NLGN4X: variants seen among roughly 807,000 people sequenced by gnomAD.
NLGN4X encodes neuroligin-4, X-linked.
A neutral mutation model predicts 40.3 loss-of-function variants in NLGN4X; 3 were observed. The ratio of observed to expected loss-of-function variants is 0.07; its 90% CI spans 0.03 to 0.19. The LOEUF (loss-of-function observed/expected upper bound fraction) is 0.19. Among genes scored for constraint, NLGN4X ranks in the 10% least tolerant of loss-of-function variants. The pLI is 1.00. For synonymous variants in NLGN4X, 270 were observed against 306.8 expected, an observed-to-expected ratio of 0.88 and a Z score of 1.25; for missense variants, 382 against 708.3, an observed-to-expected ratio of 0.54 and a Z score of 5.23.
At chrX:6,130,841 G>A (rs2039663656) in intron 2 of NLGN4X, among the ~76,000 whole-genome samples, 1 of 111,768 alleles carries the variant, frequency 8.9e-6, no homozygotes, top group Admixed American at 9.5e-5. Context: ...GTGGTGGAAG[G>A]TTCTTTTTAT....
In NLGN4X at chrX:5,933,582, T is replaced by C. The variant is rs911833205; in HGVS notation, c.626-24343A>G. Among the ~76,000 whole-genome samples, 4 of 112,044 alleles carry C rather than the reference T, an allele frequency of 3.6e-5. No homozygotes were observed. In the East Asian group the frequency reaches 8.4e-4, roughly 24 times the overall value. ...AAACAGCATTCCCTGTGATCAGTTA[T>C]GGTTAACCATAGTAAGGATAAAAAA... On this transcript the variant is annotated intron_variant, in intron 3 of 5. Coordinates refer to ENST00000381095, the MANE Select transcript of NLGN4X (RefSeq NM_181332.3).
chrX:5,997,586 G>GTGTGTATATATATACACATA (rs2035856606), intron 3 of NLGN4X, among the ~76,000 whole-genome samples: 1 of 46,828 alleles, frequency 2.1e-5, no homozygotes, highest in Non-Finnish European at 4.2e-5. Context: ...GTGTGTGTGT[G>GTGTGTATATATATACACATA]TATATATATA....
At chrX:6,218,624 C>G in intron 1 of NLGN4X, among the ~76,000 whole-genome samples, 1 of 111,305 alleles carries the variant, frequency 9.0e-6, no homozygotes, top group East Asian at 2.8e-4. Flanking sequence ...TTCTTTGTAC[C>G]CCACTTATTG....
intron 1 of NLGN4X, among the ~76,000 whole-genome samples, chrX:6,161,925 C>T (rs946133612): frequency 9.0e-6 from 1 of 111,432 alleles, no homozygotes; most frequent in South Asian, 3.7e-4. Flanking sequence ...CATATATATT[C>T]GAACTAACCA....
rs774766613 is a variant in NLGN4X, at chrX:5,925,851, CATATAT to C, written c.626-16618_626-16613del. ...ATATATATATATATATATACATACA[CATATAT>C]ATATATATATATATACATACACACA... is the stretch of plus-strand genomic sequence containing the variant. On this transcript the variant is annotated intron_variant, in intron 3 of 5. Transcript: ENST00000381095. Among the ~76,000 whole-genome samples, 39 of 36,419 alleles carry C rather than the reference CATATAT, an allele frequency of 1.1e-3. 1 individual carries two copies. The highest frequency in any genetic ancestry group is 3.6e-3 in the African/African-American group (34 of 9,321). The allele number at this position is 36,419 out of a possible 115,157, so 31.6% of individuals were successfully genotyped here.
chrX:6,119,335 A>G (rs902575699), intron 2 of NLGN4X, among the ~76,000 whole-genome samples: 1 of 112,404 alleles, frequency 8.9e-6, no homozygotes, highest in Non-Finnish European at 1.9e-5. Flanking sequence ...ATATTTTATG[A>G]GTTGATAACA....
In NLGN4X at chrX:6,215,878, C is replaced by CT. The variant is rs113885626; in HGVS notation, c.-306+12662dup. On this transcript the variant is annotated intron_variant, in intron 1 of 5. Transcript: ENST00000381095. ...GATGTGGAGAGTAAATACTCAAACACTTTTTTTTTTTTTTTTGAGAGAGAG... is the reference window on the plus strand; with the variant it reads ...GATGTGGAGAGTAAATACTCAAACACTTTTTTTTTTTTTTTTTGAGAGAGAG... Among the ~76,000 whole-genome samples, 132 of 91,858 alleles carry CT rather than the reference C, an allele frequency of 1.4e-3. No homozygotes were observed. The South Asian group carries it at 0.024, about 17-fold the overall frequency. 79.8% of individuals were successfully genotyped at this position (91,858 alleles called of 115,157 possible).
intron 3 of NLGN4X, among the ~76,000 whole-genome samples, chrX:6,021,377 G>A (rs1376843031): frequency 9.1e-6 from 1 of 110,469 alleles, no homozygotes; most frequent in Non-Finnish European, 1.9e-5. Flanking sequence ...TTCCTGGTGA[G>A]AGAGTCCTTA....
At chrX:5,967,023 G>A (rs1302888598) in intron 3 of NLGN4X, among the ~76,000 whole-genome samples, 2 of 111,746 alleles carry the variant, frequency 1.8e-5, no homozygotes, top group Admixed American at 1.9e-4. Flanking sequence ...AAATACAGTA[G>A]GTGGGGTGGG....
At chrX:6,132,731 T>C (rs1420962356) in intron 2 of NLGN4X, among the ~76,000 whole-genome samples, 2 of 111,680 alleles carry the variant, frequency 1.8e-5, no homozygotes, top group Non-Finnish European at 3.8e-5. Context: ...AACTTGGACT[T>C]ATCCCTCCTT....
intron 1 of NLGN4X, among the ~76,000 whole-genome samples, chrX:6,199,731 C>A (rs1337784342): frequency 1.8e-5 from 2 of 111,883 alleles, no homozygotes; most frequent in South Asian, 3.7e-4. Context: ...TCTATGACAT[C>A]ATCTTTAATG....
chrX:5,968,835 C>G (rs1167649011), intron 3 of NLGN4X, among the ~76,000 whole-genome samples: 3 of 109,084 alleles, frequency 2.8e-5, no homozygotes, highest in Non-Finnish European at 5.7e-5. Flanking sequence ...TCTCCCCCAC[C>G]TATTTCTTCC....
At chrX:6,025,192 C>A (rs2036658148) in intron 3 of NLGN4X, among the ~76,000 whole-genome samples, 1 of 111,964 alleles carries the variant, frequency 8.9e-6, no homozygotes, top group South Asian at 3.7e-4. Context: ...TATAATGATA[C>A]ATCTCAATTT....
rs1163973694 is a variant in NLGN4X at position 5,900,560 on chromosome X, C to CTTTTTTTTTTTTTT, written c.1601+2503_1601+2516dup. 6.6e-5 allele frequency among the ~76,000 whole-genome samples: 3 copies of CTTTTTTTTTTTTTT among 45,596 alleles called. 1 individual carries two copies. The highest frequency in any genetic ancestry group is 8.5e-5 in the African/African-American group (1 of 11,772). 39.6% of individuals were successfully genotyped at this position (45,596 alleles called of 115,157 possible). A position where few individuals can be genotyped will look rare whatever the true frequency, so the allele number is the denominator to read the frequency against. ...GTTATAAGACACACCGTTTTTGGTGCTTTTTTTTTTTTTTTTTTTTTTTTT... is the reference window on the plus strand; with the variant it reads ...GTTATAAGACACACCGTTTTTGGTGCTTTTTTTTTTTTTTTTTTTTTTTTTTTTTTTTTTTTTTT... On this transcript the variant is annotated intron_variant, in intron 5 of 5. Transcript: ENST00000381095.
chrX:6,110,889 C>T (rs1485565502), intron 2 of NLGN4X, among the ~76,000 whole-genome samples: 2 of 111,543 alleles, frequency 1.8e-5, no homozygotes, highest in Non-Finnish European at 3.8e-5. Context: ...TGAATCTGCA[C>T]ACAGACAGAG....
intron 2 of NLGN4X, among the ~76,000 whole-genome samples, chrX:6,122,723 A>G (rs779849349): frequency 9.1e-6 from 1 of 109,607 alleles, no homozygotes; most frequent in South Asian, 3.9e-4. Context: ...ACTGGGATTC[A>G]AAAGAAGCAG....
rs2031994728 is a variant in NLGN4X, at chrX:5,903,393, C to T, written c.1285G>A (p.Asp429Asn). Residue 429 changes from aspartate (D) to asparagine (N), a missense_variant, in exon 5 of 6, where the codon GAT becomes AAT. By Grantham distance (23) the Asp-to-Asn change is conservative. This residue lies in a region of NLGN4X where 149 missense variants were observed against 375.8 expected (regional missense o/e 0.40). Coordinates refer to ENST00000381095, the MANE Select transcript of NLGN4X (RefSeq NM_181332.3). ...CGCCGCGTCTCCGGGTTTTCCTTATCGGCCCAGTCTGTGTACATGAACTTG... is the reference window on the plus strand; with the variant it reads ...CGCCGCGTCTCCGGGTTTTCCTTATTGGCCCAGTCTGTGTACATGAACTTG... ...TIKFMYTDWA[D>N]KENPETRRKT... 2 of 1,208,506 alleles carry T rather than the reference C, an allele frequency of 1.7e-6. No individual in the cohort carries two copies. The highest frequency in any genetic ancestry group is 2.2e-6 in the Non-Finnish European group (2 of 894,533).
intron 2 of NLGN4X, among the ~76,000 whole-genome samples, chrX:6,128,939 C>T: frequency 8.9e-6 from 1 of 111,878 alleles, no homozygotes; most frequent in East Asian, 2.8e-4. Context: ...AAGTGCAATG[C>T]ATTCCCAGCT....
intron 2 of NLGN4X, among the ~76,000 whole-genome samples, chrX:6,082,751 C>T (rs890255753): frequency 9.2e-6 from 1 of 108,901 alleles, no homozygotes; most frequent in African/African-American, 3.3e-5. Flanking sequence ...AGGCAGCTCC[C>T]GGGCAGGTAG....
Sources: gnomAD v4.1 joint callset for allele counts (sites outside exome capture counted in the v4.1 genomes callset) on GRCh38, gnomAD v4.1.1 for gene constraint, gnomAD v4.1.1 regional missense constraint, MANE v1.5 for transcripts, NCBI Gene and HGNC (gene_info 2026-07-23, HGNC 2026-07-21) for gene names.